The following ABAT variants were observed in gnomAD, a reference collection of about 807,000 sequenced individuals.
The protein encoded by ABAT is 4-aminobutyrate aminotransferase.
Under a neutral mutation model 64.6 loss-of-function variants are expected in ABAT, and 45 were observed. The ratio of observed to expected loss-of-function variants is 0.70; its 90% CI spans 0.55 to 0.89. ABAT has a LOEUF of 0.89. Ranked by LOEUF, ABAT falls within the 40% of genes least tolerant of loss-of-function variation. The pLI is 0.00. For missense variants in ABAT, 633 were observed against 658.4 expected, an observed-to-expected ratio of 0.96 and a Z score of 0.42; for synonymous variants, 297 against 250.5, an observed-to-expected ratio of 1.19 and a Z score of -1.75.
intron 14 of ABAT, among the ~76,000 whole-genome samples, chr16:8,778,697 A>G (rs2060339641): frequency 6.6e-6 from 1 of 152,038 alleles, no homozygotes; most frequent in Non-Finnish European, 1.5e-5. Flanking sequence ...AGAATCTTTG[A>G]ACCTGGGAGG....
intron 11 of ABAT, among the ~76,000 whole-genome samples, chr16:8,769,940 A>G (rs2060055826): frequency 1.3e-5 from 2 of 152,212 alleles, no homozygotes; most frequent in South Asian, 4.1e-4. Context: ...TTGAGCACCT[A>G]CTAGATGTCA....
intron 1 of ABAT, among the ~76,000 whole-genome samples, chr16:8,681,916 A>G (rs1177594404): frequency 3.3e-5 from 5 of 152,086 alleles, no homozygotes; most frequent in African/African-American, 9.7e-5. Flanking sequence ...TGCTGGGATT[A>G]CAGGCTGAGC....
At chr16:8,681,516 G>C (rs1261898403) in intron 1 of ABAT, among the ~76,000 whole-genome samples, 2 of 149,944 alleles carry the variant, frequency 1.3e-5, no homozygotes, top group Non-Finnish European at 3.0e-5. Context: ...GAGTGCAGTG[G>C]CATGATCATG....
intron 5 of ABAT, among the ~76,000 whole-genome samples, chr16:8,751,630 T>C (rs1035470415): frequency 6.6e-6 from 1 of 152,202 alleles, no homozygotes; most frequent in Non-Finnish European, 1.5e-5. Context: ...GCCCATCAGC[T>C]GCGAGAGGGG....
chr16:8,692,755 C>T (rs565634122), intron 1 of ABAT, among the ~76,000 whole-genome samples: 2 of 152,316 alleles, frequency 1.3e-5, no homozygotes, highest in South Asian at 2.1e-4. Flanking sequence ...TTGCCTTGCC[C>T]TTTGTGCGGG....
At chr16:8,773,105 TACACACACAC>T (rs35248639) in intron 12 of ABAT, among the ~76,000 whole-genome samples, 188 bp downstream of exon 12, 207 of 108,976 alleles carry the variant, frequency 1.9e-3, no homozygotes, top group Middle Eastern at 5.3e-3. Flanking sequence ...CCTAAAACTA[TACACACACAC>T]ACACACACAC....
chr16:8,705,517 G>A (rs1320920765), intron 1 of ABAT: 1 of 152,146 alleles, frequency 6.6e-6, no homozygotes. Context: ...CTATAACACT[G>A]AGTTGGGATT....
At chr16:8,718,223 G>A (rs750351597) in intron 1 of ABAT, among the ~76,000 whole-genome samples, 3 of 152,172 alleles carry the variant, frequency 2.0e-5, no homozygotes, top group Non-Finnish European at 2.9e-5. Context: ...GCAGGTGTGC[G>A]CTTAATCCCT....
chr16:8,707,599 C>T (rs149287571), intron 1 of ABAT, among the ~76,000 whole-genome samples: 1 of 152,232 alleles, frequency 6.6e-6, no homozygotes, highest in African/African-American at 2.4e-5. Context: ...GAAGTGAGAG[C>T]TAAAATGGGA....
intron 1 of ABAT, among the ~76,000 whole-genome samples, chr16:8,677,943 T>C (rs529910920): frequency 1.2e-4 from 18 of 152,026 alleles, no homozygotes; most frequent in African/African-American, 4.1e-4. Context: ...CCTGTAGTCC[T>C]AGCAACCTGG....
chr16:8,700,616 G>C (rs1413859043), intron 1 of ABAT, among the ~76,000 whole-genome samples: 1 of 152,052 alleles, frequency 6.6e-6, no homozygotes, highest in Non-Finnish European at 1.5e-5. Context: ...CTTTTTTAAA[G>C]AGACATTGAC....
At chr16:8,712,005 C>CGG (rs60186520) in intron 1 of ABAT, among the ~76,000 whole-genome samples, 30,306 of 150,134 alleles carry the variant, frequency 0.2, 3,195 homozygotes, top group Middle Eastern at 0.33. Context: ...TTTGGGAGGT[C>CGG]GGGGGGGAGG....
At chr16:8,700,818 C>T (rs2057804918) in intron 1 of ABAT, among the ~76,000 whole-genome samples, 1 of 151,684 alleles carries the variant, frequency 6.6e-6, no homozygotes, top group South Asian at 2.1e-4. Flanking sequence ...GTTGCTCAGG[C>T]TGGTCTTGAG....
intron 5 of ABAT, 69 bp from the exon 6 acceptor site, chr16:8,757,688 G>T: frequency 6.8e-7 from 1 of 1,467,910 alleles, no homozygotes; most frequent in Non-Finnish European, 9.5e-7. Flanking sequence ...GAGAGGGAAG[G>T]AGAGGTGGGA....
chr16:8,682,186 TACACAC>T (rs55951090), intron 1 of ABAT, among the ~76,000 whole-genome samples: 55 of 131,556 alleles, frequency 4.2e-4, no homozygotes, highest in African/African-American at 1.4e-3. Context: ...CCTAACAGGA[TACACAC>T]ACACACACAC....
intron 2 of ABAT, chr16:8,736,265 T>A: frequency 4.8e-6 from 1 of 209,648 alleles, no homozygotes; most frequent in Non-Finnish European, 9.8e-6. Flanking sequence ...GAGCTATGAT[T>A]TAAGATGAGA....
At chr16:8,760,746 G>A (rs899104358) in intron 6 of ABAT, among the ~76,000 whole-genome samples, 3 of 152,220 alleles carry the variant, frequency 2.0e-5, no homozygotes, top group Non-Finnish European at 4.4e-5. Context: ...CGCCTCCAGA[G>A]GCAGAAGCGT....
intron 4 of ABAT, among the ~76,000 whole-genome samples, chr16:8,750,130 T>C (rs185741324): frequency 1.4e-4 from 21 of 152,362 alleles, no homozygotes; most frequent in Admixed American, 1.1e-3. Flanking sequence ...AGGTTTACCA[T>C]ACATATCTTA....
intron 1 of ABAT, among the ~76,000 whole-genome samples, chr16:8,705,060 A>T (rs1401460965): frequency 6.6e-6 from 1 of 152,028 alleles, no homozygotes; most frequent in Non-Finnish European, 1.5e-5. Context: ...CTAAATTTCT[A>T]GAGTTGGGAT....
Sources: allele counts gnomAD v4.1 joint callset (sites outside exome capture counted in the v4.1 genomes callset), GRCh38; gene constraint gnomAD v4.1.1; transcripts MANE v1.5; gene names NCBI Gene and HGNC (gene_info 2026-07-23, HGNC 2026-07-21).